PRDM16: variants seen among roughly 807,000 people sequenced by gnomAD.
PRDM16 encodes the protein histone-lysine N-methyltransferase PRDM16.
Under a neutral mutation model 110.6 loss-of-function variants are expected in PRDM16, and 23 were observed. That is an observed-to-expected ratio of 0.21 (90% CI 0.15 to 0.29). PRDM16 has a LOEUF of 0.29. PRDM16 is among the 10% of genes least tolerant of loss of function. The probability of loss-of-function intolerance (pLI) is 1.00; values close to 1 mark genes in which losing one functional copy is unlikely to be tolerated. For synonymous variants in PRDM16, 799 were observed against 781.8 expected (o/e 1.02, Z -0.37); for missense variants, 1,615 against 1,794.3 (o/e 0.90, Z 1.81).
chr1:3,429,134 A>C (rs1201912267), intron 14 of PRDM16, among the ~76,000 whole-genome samples: 1 of 152,190 alleles, frequency 6.6e-6, no homozygotes, highest in Non-Finnish European at 1.5e-5. Context: ...ATTCTCCCCC[A>C]GAGTCTTGGA....
intron 3 of PRDM16, among the ~76,000 whole-genome samples, chr1:3,331,408 C>G (rs1570088888): frequency 6.6e-6 from 1 of 152,276 alleles, no homozygotes; most frequent in East Asian, 1.9e-4. Context: ...GGGAATCCCC[C>G]AGATCAGGAC....
Position 3,103,097 on chromosome 1 carries a change from G to A in PRDM16, c.37+33801G>A, listed in dbSNP as rs552026559. 3.3e-5 allele frequency among the ~76,000 whole-genome samples: 5 copies of A among 152,332 alleles called. No homozygotes were observed. The East Asian group carries it at 7.7e-4, about 24-fold the overall frequency. ...TACTACTGCTGGACCTGGGGCCACC[G>A]CAGCAGCAAAGTCAGGAGAGATGGG... On this transcript the variant is annotated intron_variant, in intron 1 of 16. Transcript: ENST00000270722.
chr1:3,426,203 GCAT>G lies in PRDM16; in HGVS notation c.3265_3267del (p.Ser1089del), dbSNP rs751346372. On this transcript the variant is annotated inframe_deletion, in exon 14 of 17. Transcript: ENST00000270722. ...TATTGCCAATAGTGAGATGAACCAA[GCAT>G]CAACGCGAACAGAGAAACGGTAAGA... 6.2e-7 allele frequency: 1 copy of G among 1,613,778 alleles called. No individual in the cohort carries two copies.
intron 1 of PRDM16, among the ~76,000 whole-genome samples, chr1:3,147,031 C>T (rs116509502): frequency 0.025 from 2,044 of 80,224 alleles, 133 homozygotes; most frequent in African/African-American, 0.098. Flanking sequence ...CGTGTGTGCT[C>T]GGTGTGGGGT....
At chr1:3,200,830 A>C (rs1293626801) in intron 2 of PRDM16, among the ~76,000 whole-genome samples, 3 of 152,142 alleles carry the variant, frequency 2.0e-5, no homozygotes, top group Non-Finnish European at 4.4e-5. Flanking sequence ...CACCCCGATG[A>C]TGCTGCCTGT....
chr1:3,257,534 A>C (rs1640077752), intron 3 of PRDM16, among the ~76,000 whole-genome samples: 1 of 152,202 alleles, frequency 6.6e-6, no homozygotes, highest in South Asian at 2.1e-4. Context: ...ATTTAGGAAA[A>C]ATAAGACTTT....
intron 1 of PRDM16, among the ~76,000 whole-genome samples, chr1:3,098,567 T>C (rs961350480): frequency 2.0e-5 from 3 of 152,168 alleles, no homozygotes; most frequent in African/African-American, 4.8e-5. Context: ...CTGGCCTCCC[T>C]GGGCTTCGAG....
intron 15 of PRDM16, among the ~76,000 whole-genome samples, chr1:3,431,408 T>C (rs1638765584): frequency 6.6e-6 from 1 of 151,746 alleles, no homozygotes; most frequent in African/African-American, 2.4e-5. Context: ...GCAGCAGAGC[T>C]GCCTGTCAGC....
intron 3 of PRDM16, among the ~76,000 whole-genome samples, chr1:3,266,698 G>A (rs1016757410): frequency 1.2e-4 from 19 of 152,118 alleles, no homozygotes; most frequent in Admixed American, 2.0e-4. Context: ...TGTTTGAGAC[G>A]GAGTCTTGCT....
At chr1:3,342,883 T>C (rs901453806) in intron 3 of PRDM16, among the ~76,000 whole-genome samples, 1 of 152,194 alleles carries the variant, frequency 6.6e-6, no homozygotes, top group African/African-American at 2.4e-5. Context: ...AGGTTGTCTA[T>C]CCACTGTCCT....
At chr1:3,356,803 C>T (rs1363891027) in intron 3 of PRDM16, among the ~76,000 whole-genome samples, 2 of 152,208 alleles carry the variant, frequency 1.3e-5, no homozygotes. Flanking sequence ...GTCCTGGAGA[C>T]CGGGCCAGTG....
chr1:3,373,086 G>A (rs1389914760), intron 3 of PRDM16, among the ~76,000 whole-genome samples: 1 of 152,224 alleles, frequency 6.6e-6, no homozygotes, highest in Non-Finnish European at 1.5e-5. Context: ...CACCTCGTAA[G>A]GAGCAGGACA....
intron 3 of PRDM16, among the ~76,000 whole-genome samples, chr1:3,364,325 C>T (rs932517709): frequency 6.6e-6 from 1 of 152,156 alleles, no homozygotes; most frequent in African/African-American, 2.4e-5. Context: ...CCTGGTTTTC[C>T]ATGAAGTGGC....
chr1:3,405,001 T>C (rs1557656233), intron 7 of PRDM16, 115 bp downstream of exon 7: 1 of 1,186,276 alleles, frequency 8.4e-7, no homozygotes, highest in Non-Finnish European at 1.2e-6. Context: ...TGCGGCAGAG[T>C]GGGTAGGAGG....
At chr1:3,139,543 G>A (rs1569662354) in intron 1 of PRDM16, among the ~76,000 whole-genome samples, 1 of 152,366 alleles carries the variant, frequency 6.6e-6, no homozygotes, top group Non-Finnish European at 1.5e-5. Flanking sequence ...CCGCATCCGG[G>A]GGTGCTCGGG....
intron 1 of PRDM16, among the ~76,000 whole-genome samples, chr1:3,121,603 G>A (rs747059629): frequency 6.6e-6 from 1 of 152,242 alleles, no homozygotes; most frequent in Non-Finnish European, 1.5e-5. Flanking sequence ...GGGCGGTGGT[G>A]AGAAATGAAT....
chr1:3,175,062 G>T lies in PRDM16; in HGVS notation c.38-11063G>T, dbSNP rs1178519006. Among the ~76,000 whole-genome samples, 1 of 152,188 alleles carries T rather than the reference G, an allele frequency of 6.6e-6. No individual in the cohort carries two copies. The highest frequency in any genetic ancestry group is 2.4e-5 in the African/African-American group (1 of 41,440). ...TCAGAAGGTGGGACCAGCGGCCAAG[G>T]CTCCTCCTAGCACCATTTCCTGGAG... On this transcript the variant is annotated intron_variant, in intron 1 of 16. Transcript: ENST00000270722. The surrounding 1 kb of genome is among the most constrained non-coding windows in gnomAD (Gnocchi z 4.8).
chr1:3,079,173 C>T (rs962363060), intron 1 of PRDM16, among the ~76,000 whole-genome samples: 1 of 152,238 alleles, frequency 6.6e-6, no homozygotes, highest in African/African-American at 2.4e-5. Context: ...GCTGCCCGGG[C>T]CTGTTTGGCC....
Position 3,167,258 on chromosome 1 carries a change from G to A in PRDM16, c.38-18867G>A, listed in dbSNP as rs559788650. The stretch of plus-strand genomic sequence containing the variant: ...TTCAGCCTGTACACAAAGCCCAGCA[G>A]TTGCCCTTTACGTGAGAGGAATTTC... On this transcript the variant is annotated intron_variant, in intron 1 of 16. Coordinates refer to ENST00000270722, the MANE Select transcript of PRDM16 (RefSeq NM_022114.4). Among the ~76,000 whole-genome samples, 371 of 152,284 alleles carry A rather than the reference G, an allele frequency of 2.4e-3. 4 individuals are homozygous for A. Among genetic ancestry groups the A allele is most frequent in the African/African-American group, 8.6e-3 (357 of 41,550 alleles).
Sources: allele counts gnomAD v4.1 joint callset (sites outside exome capture counted in the v4.1 genomes callset), GRCh38; gene constraint gnomAD v4.1.1; non-coding constraint Gnocchi (gnomAD v3.1); transcripts MANE v1.5; gene names NCBI Gene and HGNC (gene_info 2026-07-23, HGNC 2026-07-21).